Variants in TEX36 observed in about 807,000 individuals in gnomAD.
TEX36 encodes the protein testis-expressed protein 36.
A neutral mutation model predicts 13.6 loss-of-function variants in TEX36; 12 were observed. The ratio of observed to expected loss-of-function variants is 0.88; its 90% CI spans 0.56 to 1.43. The LOEUF is 1.43. TEX36 is among the 40% of genes most tolerant of loss of function. The probability of loss-of-function intolerance (pLI) is 0.00; values close to 1 mark genes in which losing one functional copy is unlikely to be tolerated. For missense variants in TEX36, 224 were observed against 228.3 expected, an observed-to-expected ratio of 0.98 and a Z score of 0.12; for synonymous variants, 93 against 83.0, an observed-to-expected ratio of 1.12 and a Z score of -0.65.
intron 3 of TEX36, among the ~76,000 whole-genome samples, chr10:125,632,248 G>A (rs1846566376): frequency 6.6e-6 from 1 of 152,092 alleles, no homozygotes; most frequent in South Asian, 2.1e-4. Flanking sequence ...CATTTGGACT[G>A]GCTGAGTTGA....
intron 3 of TEX36, among the ~76,000 whole-genome samples, chr10:125,627,757 G>A (rs538790278): frequency 6.6e-6 from 1 of 152,340 alleles, no homozygotes; most frequent in East Asian, 1.9e-4. Context: ...GAAACATCCA[G>A]GTCTGCGTGA....
At chr10:125,650,014 A>T (rs1297459993) in intron 3 of TEX36, among the ~76,000 whole-genome samples, 1 of 152,232 alleles carries the variant, frequency 6.6e-6, no homozygotes, top group Non-Finnish European at 1.5e-5. Context: ...TTAGAGACCT[A>T]GAAAGAGACT....
chr10:125,603,583 A>C (rs948267637), intron 3 of TEX36, among the ~76,000 whole-genome samples: 6 of 152,320 alleles, frequency 3.9e-5, no homozygotes, highest in East Asian at 1.9e-4. Flanking sequence ...TGGCATGCAA[A>C]TGATGGCAAA....
At chr10:125,622,217 G>A (rs180877506) in intron 3 of TEX36, among the ~76,000 whole-genome samples, 14 of 152,166 alleles carry the variant, frequency 9.2e-5, no homozygotes, top group Non-Finnish European at 1.6e-4. Flanking sequence ...GCTATCCTTC[G>A]TACAACAAGA....
At chr10:125,661,488 G>A (rs1847042069) in intron 2 of TEX36, among the ~76,000 whole-genome samples, 1 of 152,166 alleles carries the variant, frequency 6.6e-6, no homozygotes, top group Non-Finnish European at 1.5e-5. Flanking sequence ...CCAAGGCCTG[G>A]GGGGAACCCT....
chr10:125,668,492 A>G (rs1847164290), intron 1 of TEX36, among the ~76,000 whole-genome samples: 1 of 152,068 alleles, frequency 6.6e-6, no homozygotes, highest in African/African-American at 2.4e-5. Flanking sequence ...TTATTTAAAA[A>G]AAGATCTCCA....
intron 3 of TEX36, among the ~76,000 whole-genome samples, chr10:125,614,114 T>C (rs1372145949): frequency 6.6e-6 from 1 of 152,238 alleles, no homozygotes; most frequent in African/African-American, 2.4e-5. Flanking sequence ...CTTTGCCCAC[T>C]TTTTGATGGG....
intron 3 of TEX36, among the ~76,000 whole-genome samples, chr10:125,657,455 C>T (rs148002429): frequency 2.7e-4 from 41 of 152,104 alleles, no homozygotes; most frequent in Non-Finnish European, 2.2e-4. Flanking sequence ...ATGTCCAAGT[C>T]GGCTTCTAAA....
intron 1 of TEX36, among the ~76,000 whole-genome samples, chr10:125,681,572 C>T (rs1027129780): frequency 6.6e-6 from 1 of 152,126 alleles, no homozygotes; most frequent in Non-Finnish European, 1.5e-5. Context: ...AATATTATGT[C>T]TATGTTATAT....
At position 125,671,722 on chromosome 10, in the gene TEX36, G is replaced by T. The variant is rs932953046; in HGVS notation, c.52-9745C>A. Among the ~76,000 whole-genome samples the T allele has an allele frequency of 3.9e-5, 6 of 152,030 alleles. No homozygotes were observed. In the East Asian group the frequency reaches 1.2e-3, roughly 29 times the overall value. On this transcript the variant is annotated intron_variant, in intron 1 of 3. Transcript: ENST00000368821. Reference sequence around the variant, plus strand: ...GGAGAAATGATACCAGCTCTTTTTTGTACCTCTGGTAGAATTCAGCTGTAA... The same window carrying T: ...GGAGAAATGATACCAGCTCTTTTTTTTACCTCTGGTAGAATTCAGCTGTAA...
rs150328062 is a variant in TEX36, at chr10:125,589,246, A to G, written c.265-12372T>C. ...TCACTGACTTCTCCTTTTCATTCTA[A>G]TAGTTTGTCAGTTGACCCTGTTGGA... On this transcript the variant is annotated intron_variant, in intron 3 of 3. Coordinates refer to the TEX36 transcript ENST00000532135. Among the ~76,000 whole-genome samples, 188 of 152,326 alleles carry G rather than the reference A, an allele frequency of 1.2e-3. 1 individual carries two copies. Among genetic ancestry groups the G allele is most frequent in the Admixed American group, 1.4e-3 (21 of 15,308 alleles).
chr10:125,643,871 C>G (rs750392946), intron 3 of TEX36, among the ~76,000 whole-genome samples: 6 of 152,004 alleles, frequency 3.9e-5, no homozygotes, highest in Non-Finnish European at 5.9e-5. Context: ...CAGATGGTGC[C>G]ACCGCACTCC....
intron 3 of TEX36, among the ~76,000 whole-genome samples, chr10:125,616,178 T>G (rs1245823606): frequency 6.6e-6 from 1 of 152,244 alleles, no homozygotes; most frequent in East Asian, 1.9e-4. Flanking sequence ...CTCTCTTTTT[T>G]TCTTTTTTAG....
At chr10:125,668,954 T>A (rs1040728713) in intron 1 of TEX36, among the ~76,000 whole-genome samples, 3 of 151,664 alleles carry the variant, frequency 2.0e-5, no homozygotes, top group Non-Finnish European at 4.4e-5. Context: ...AGGTCAGTAG[T>A]TCAAGACCAA....
chr10:125,624,718 A>G (rs1218082195), intron 3 of TEX36, among the ~76,000 whole-genome samples: 2 of 151,572 alleles, frequency 1.3e-5, no homozygotes, highest in Non-Finnish European at 2.9e-5. Flanking sequence ...GCAGAAACAG[A>G]AACTGTATGA....
chr10:125,666,516 G>A (rs1246434108), intron 1 of TEX36, among the ~76,000 whole-genome samples: 1 of 152,148 alleles, frequency 6.6e-6, no homozygotes, highest in Non-Finnish European at 1.5e-5. Context: ...ATTTGTGTGT[G>A]TCGAAGCATC....
At chr10:125,680,752 T>A (rs931479380) in intron 1 of TEX36, among the ~76,000 whole-genome samples, 30 of 152,238 alleles carry the variant, frequency 2.0e-4, no homozygotes, top group Admixed American at 6.5e-4. Context: ...ATTCTTTTTA[T>A]GCTCTTAGGT....
downstream of TEX36, among the ~76,000 whole-genome samples, chr10:125,653,073 G>C (rs1361907528): frequency 6.6e-6 from 1 of 152,228 alleles, no homozygotes; most frequent in Non-Finnish European, 1.5e-5. Context: ...GTGGAAAACA[G>C]TGTGGCAATT....
rs193079708 is a variant in TEX36, at chr10:125,650,144, G to A, written c.264+10877C>T. ...ATTGAACTCAGCTCTGCACCAAGCAGACCTAATAGACATCTACAGAACTCT... is the reference window on the plus strand; with the variant it reads ...ATTGAACTCAGCTCTGCACCAAGCAAACCTAATAGACATCTACAGAACTCT... On this transcript the variant is annotated intron_variant, in intron 3 of 3. Transcript: ENST00000526819. Among the ~76,000 whole-genome samples, 36 of 152,286 alleles carry A rather than the reference G, an allele frequency of 2.4e-4. 1 individual carries two copies. Among genetic ancestry groups the A allele is most frequent in the Admixed American group, 2.4e-3 (36 of 15,292 alleles).
Sources: allele counts gnomAD v4.1 joint callset (sites outside exome capture counted in the v4.1 genomes callset), GRCh38; gene constraint gnomAD v4.1.1; transcripts MANE v1.5; gene names NCBI Gene and HGNC (gene_info 2026-07-23, HGNC 2026-07-21).